Variants in AGAP1 observed in about 807,000 individuals in gnomAD.
The protein encoded by AGAP1 is ArfGAP with GTPase domain, ankyrin repeat and PH domain 1.
Under a neutral mutation model 105.3 loss-of-function variants are expected in AGAP1, and 29 were observed. That is an observed-to-expected ratio of 0.28 (90% CI 0.21 to 0.38). The LOEUF (loss-of-function observed/expected upper bound fraction) is 0.38. Among genes scored for constraint, AGAP1 ranks in the 10% least tolerant of loss-of-function variants. The pLI is 1.00. For missense variants in AGAP1, 998 were observed against 1,165.1 expected (o/e 0.86, Z 2.09); for synonymous variants, 509 against 485.9 (o/e 1.05, Z -0.63).
At position 235,967,999 on chromosome 2, in the gene AGAP1, C is replaced by T. The variant is rs535561308; in HGVS notation, c.1484-463C>T. On this transcript the variant is annotated intron_variant, in intron 12 of 17. Transcript: ENST00000304032. This position sits in a 1 kb window ranked among gnomAD's most constrained non-coding sequence, Gnocchi z 4.7. ...TTATAGTCATCTGTAATATTGAGGCCGGAAGAAAGGATCAGGAATCCCTTA... is the reference window on the plus strand; with the variant it reads ...TTATAGTCATCTGTAATATTGAGGCTGGAAGAAAGGATCAGGAATCCCTTA... Among the ~76,000 whole-genome samples, 4 of 152,214 alleles carry T rather than the reference C, an allele frequency of 2.6e-5. No homozygotes were observed. The highest frequency in any genetic ancestry group is 1.3e-4 in the Admixed American group (2 of 15,302).
intron 1 of AGAP1, among the ~76,000 whole-genome samples, chr2:235,636,778 G>T (rs35918306): frequency 0.12 from 17,959 of 152,168 alleles, 1,391 homozygotes; most frequent in East Asian, 0.33. Context: ...CGTCGCAGAT[G>T]TAATTATTTA....
chr2:235,537,024 G>T (rs535985704), intron 1 of AGAP1, among the ~76,000 whole-genome samples: 46 of 152,276 alleles, frequency 3.0e-4, no homozygotes, highest in African/African-American at 1.1e-3. Context: ...AGTGAGGCAG[G>T]TCCCTGATGA....
At chr2:235,829,766 C>T (rs1361481679) in intron 9 of AGAP1, among the ~76,000 whole-genome samples, 1 of 152,160 alleles carries the variant, frequency 6.6e-6, no homozygotes, top group Non-Finnish European at 1.5e-5. Context: ...CAGTGGGTGG[C>T]CCCTCTGTGC....
intron 16 of AGAP1, among the ~76,000 whole-genome samples, chr2:236,084,966 G>A (rs535309406): frequency 1.3e-5 from 2 of 151,902 alleles, no homozygotes; most frequent in Non-Finnish European, 2.9e-5. Flanking sequence ...TGTAATCCCA[G>A]CACTTTGGGA....
At chr2:235,833,855 GTTT>G (rs77488721) in intron 9 of AGAP1, among the ~76,000 whole-genome samples, 1 of 124,922 alleles carries the variant, frequency 8.0e-6, no homozygotes, top group Non-Finnish European at 1.6e-5. Flanking sequence ...CTCCAATCTG[GTTT>G]TTTTTTTTTT....
At chr2:235,530,472 C>G (rs1350104840) in intron 1 of AGAP1, among the ~76,000 whole-genome samples, 2 of 152,152 alleles carry the variant, frequency 1.3e-5, no homozygotes, top group Admixed American at 1.3e-4. Flanking sequence ...AGGTCAGATC[C>G]TAATATCAAG....
intron 13 of AGAP1, among the ~76,000 whole-genome samples, chr2:236,025,114 G>A (rs1306507564): frequency 6.6e-6 from 1 of 152,162 alleles, no homozygotes; most frequent in Non-Finnish European, 1.5e-5. Flanking sequence ...ATACCATCAG[G>A]AGCTTCTACA....
At position 235,814,637 on chromosome 2, in the gene AGAP1, C is replaced by T. The variant is rs528584505; in HGVS notation, c.1050+7306C>T. On this transcript the variant is annotated intron_variant, in intron 9 of 17. Transcript: ENST00000304032. ...TCCCATGACCCCCAATGCAAGTGGA[C>T]GGGTGTCACGCCAAGGAGTGGTGAA... Among the ~76,000 whole-genome samples, 9 of 152,136 alleles carry T rather than the reference C, an allele frequency of 5.9e-5. No individual in the cohort carries two copies. In the South Asian group the frequency reaches 1.5e-3, roughly 25 times the overall value.
At chr2:235,947,109 CAA>C (rs2053535703) in intron 12 of AGAP1, among the ~76,000 whole-genome samples, 1 of 152,016 alleles carries the variant, frequency 6.6e-6, no homozygotes. Context: ...TTTTGGGGAA[CAA>C]GTGGTTTTTG....
At chr2:235,588,453 A>G (rs6722955) in intron 1 of AGAP1, among the ~76,000 whole-genome samples, 83,155 of 151,536 alleles carry the variant, frequency 0.55, 23,425 homozygotes, top group African/African-American at 0.65. Context: ...TGAGACATTC[A>G]AGACCCCTTA....
Position 236,090,972 on chromosome 2 carries a change from C to CCTTTACGGAAGAGCA in AGAP1, c.2115-29220_2115-29219insCTTTACGGAAGAGCA. Among the ~76,000 whole-genome samples the CCTTTACGGAAGAGCA allele has an allele frequency of 1.3e-5, 2 of 152,240 alleles. No individual in the cohort carries two copies. Among genetic ancestry groups the CCTTTACGGAAGAGCA allele is most frequent in the African/African-American group, 4.8e-5 (2 of 41,464 alleles). On this transcript the variant is annotated intron_variant, in intron 16 of 17. Transcript: ENST00000304032. This position sits in a 1 kb window ranked among gnomAD's most constrained non-coding sequence, Gnocchi z 4.3. Reference sequence around the variant, plus strand: ...CAGGCTGGTGTCGACCTCCTGACCTCAGGTGATCTGCCCACCTCGGCCTCC... The same window carrying CCTTTACGGAAGAGCA: ...CAGGCTGGTGTCGACCTCCTGACCTCCTTTACGGAAGAGCAAGGTGATCTGCCCACCTCGGCCTCC...
At chr2:236,081,319 GTAAC>G (rs1317737648) in intron 16 of AGAP1, among the ~76,000 whole-genome samples, 1 of 152,134 alleles carries the variant, frequency 6.6e-6, no homozygotes, top group Non-Finnish European at 1.5e-5. Context: ...TAAAAAGAGA[GTAAC>G]TACACTTGCC....
chr2:235,930,256 C>G lies in AGAP1; in HGVS notation c.1325-509C>G, dbSNP rs983532690. Among the ~76,000 whole-genome samples the G allele has an allele frequency of 2.6e-5, 4 of 152,198 alleles. No individual in the cohort carries two copies. The highest frequency in any genetic ancestry group is 9.7e-5 in the African/African-American group (4 of 41,442). ...TGAAGAGCCTGCATTTCCTCCGTGT[C>G]GTGTCTAGGGACTTTGATTTGTGTT... On this transcript the variant is annotated intron_variant, in intron 11 of 17. Transcript: ENST00000304032. This position sits in a 1 kb window ranked among gnomAD's most constrained non-coding sequence, Gnocchi z 7.9.
chr2:235,831,390 T>C (rs1287974741), intron 9 of AGAP1, among the ~76,000 whole-genome samples: 2 of 152,084 alleles, frequency 1.3e-5, no homozygotes, highest in Non-Finnish European at 2.9e-5. Flanking sequence ...TCTGGACAAA[T>C]GTATAATGAG....
chr2:235,952,946 C>G (rs2053800894), intron 12 of AGAP1, among the ~76,000 whole-genome samples: 1 of 152,190 alleles, frequency 6.6e-6, no homozygotes, highest in Non-Finnish European at 1.5e-5. Context: ...TCTGTGACCT[C>G]CAGCCGGTTG....
In AGAP1 at chr2:235,888,943, T is replaced by A. The variant is rs2050396745; in HGVS notation, c.1155+5494T>A. Among the ~76,000 whole-genome samples, 1 of 152,080 alleles carries A rather than the reference T, an allele frequency of 6.6e-6. No individual in the cohort carries two copies. Among genetic ancestry groups the A allele is most frequent in the Admixed American group, 6.5e-5 (1 of 15,276 alleles). On this transcript the variant is annotated intron_variant, in intron 10 of 17. Transcript: ENST00000304032. This position sits in a 1 kb window ranked among gnomAD's most constrained non-coding sequence, Gnocchi z 4.8. ...ACCATTTCCTAACCTTGCCAAAAACTCTGGGTGAGGGTTTTTCAATGTCTT... is the reference window on the plus strand; with the variant it reads ...ACCATTTCCTAACCTTGCCAAAAACACTGGGTGAGGGTTTTTCAATGTCTT...
chr2:236,047,811 A>T (rs2057768295), intron 15 of AGAP1, among the ~76,000 whole-genome samples: 2 of 151,774 alleles, frequency 1.3e-5, no homozygotes, highest in African/African-American at 4.8e-5. Flanking sequence ...CATGTTGGTC[A>T]TGCTGGTCTC....
At chr2:235,810,833 C>CTTTTTTT (rs76910320) in intron 9 of AGAP1, among the ~76,000 whole-genome samples, 6 of 113,108 alleles carry the variant, frequency 5.3e-5, no homozygotes, top group Non-Finnish European at 9.2e-5. Context: ...AATTCGGTTT[C>CTTTTTTT]TTTTTTTTTT....
intron 1 of AGAP1, among the ~76,000 whole-genome samples, chr2:235,562,665 C>A (rs73996166): frequency 1.4e-4 from 22 of 152,198 alleles, no homozygotes; most frequent in Non-Finnish European, 2.2e-4. Flanking sequence ...AAGAGCAGGG[C>A]CCCTGGAGCC....
Sources: allele counts gnomAD v4.1 joint callset (sites outside exome capture counted in the v4.1 genomes callset), GRCh38; gene constraint gnomAD v4.1.1; non-coding constraint Gnocchi (gnomAD v3.1); transcripts MANE v1.5; gene names NCBI Gene and HGNC (gene_info 2026-07-23, HGNC 2026-07-21).